GLG1: variants seen among roughly 807,000 people sequenced by gnomAD.
GLG1 encodes golgi glycoprotein 1, also known as Golgi apparatus protein 1.
Under a neutral mutation model 160.5 loss-of-function variants are expected in GLG1, and 38 were observed. That is an observed-to-expected ratio of 0.24 (90% CI 0.18 to 0.31). The LOEUF is 0.31. Among genes scored for constraint, GLG1 ranks in the 10% least tolerant of loss-of-function variants. The pLI is 1.00. For missense variants in GLG1, 1,373 were observed against 1,505.2 expected, an observed-to-expected ratio of 0.91 and a Z score of 1.45; for synonymous variants, 644 against 543.4, an observed-to-expected ratio of 1.19 and a Z score of -2.57.
rs1319348965 is a variant in GLG1 at position 74,452,792 on chromosome 16, T to A, written c.*375A>T. On this transcript the variant is annotated 3_prime_UTR_variant, in exon 26 of 26. Coordinates refer to ENST00000422840, the MANE Select transcript of GLG1 (RefSeq NM_001145667.2). ...GAGGAGATGCGTTACTATATACATT[T>A]TTTTCTTTAAAAAAATTTTTTTTTT... 21 of 999,292 alleles carry A rather than the reference T, an allele frequency of 2.1e-5. No individual in the cohort carries two copies. The highest frequency in any genetic ancestry group is 1.2e-4 in the Admixed American group (2 of 17,390). The allele number at this position is 999,292 out of a possible 1,614,324, so 61.9% of individuals were successfully genotyped here.
chr16:74,602,907 A>G (rs937819513), intron 1 of GLG1, among the ~76,000 whole-genome samples: 4 of 151,922 alleles, frequency 2.6e-5, no homozygotes, highest in African/African-American at 9.7e-5. Flanking sequence ...CATGCCTGTA[A>G]TCCAGCAGTT....
chr16:74,486,263 A>G (rs2015782406), intron 8 of GLG1, among the ~76,000 whole-genome samples: 1 of 152,236 alleles, frequency 6.6e-6, no homozygotes, highest in African/African-American at 2.4e-5. Context: ...CGGCAAAGCC[A>G]GATTTAAGTG....
rs201104045 is a variant in GLG1, at chr16:74,486,928, C to CCG, written c.1450-1012_1450-1011insCG. Among the ~76,000 whole-genome samples, 34 of 150,822 alleles carry CCG rather than the reference C, an allele frequency of 2.3e-4. No individual in the cohort carries two copies. The East Asian group carries it at 6.6e-3, about 29-fold the overall frequency. The stretch of plus-strand genomic sequence containing the variant: ...GGGGTAGAAATCTTTTTTTTTTCCC[C>CCG]CCCGAGACAGAGTTTCGCTCTGTCA... On this transcript the variant is annotated intron_variant, in intron 8 of 25. Transcript: ENST00000422840.
intron 5 of GLG1, among the ~76,000 whole-genome samples, chr16:74,495,454 A>C (rs1006240750): frequency 3.3e-5 from 5 of 152,228 alleles, no homozygotes; most frequent in African/African-American, 9.6e-5. Context: ...AGAGTTAACG[A>C]AACTCTTACA....
chr16:74,529,149 T>C (rs1408913765), intron 2 of GLG1, among the ~76,000 whole-genome samples: 1 of 151,882 alleles, frequency 6.6e-6, no homozygotes, highest in African/African-American at 2.4e-5. Flanking sequence ...TAATTTTTAG[T>C]AGATATGGGG....
intron 22 of GLG1, 36 bp downstream of exon 22, chr16:74,462,058 G>T (rs369114203): frequency 1.5e-5 from 16 of 1,064,732 alleles, no homozygotes; most frequent in Non-Finnish European, 2.0e-5. Context: ...TCTCTGAGCA[G>T]CTCTGTGCGT....
chr16:74,454,783 C>T (rs2014468194), intron 25 of GLG1, among the ~76,000 whole-genome samples: 1 of 149,372 alleles, frequency 6.7e-6, no homozygotes, highest in Admixed American at 6.7e-5. Flanking sequence ...CCTCCTGCCT[C>T]GGTCTCCCAA....
At chr16:74,600,750 A>C (rs12923501) in intron 1 of GLG1, among the ~76,000 whole-genome samples, 98,910 of 141,618 alleles carry the variant, frequency 0.7, 35,156 homozygotes, top group African/African-American at 0.82. Context: ...AAAAAAAAAA[A>C]AAAACAAAAA....
chr16:74,591,946 A>G (rs997975131), intron 1 of GLG1, among the ~76,000 whole-genome samples: 4 of 152,160 alleles, frequency 2.6e-5, no homozygotes, highest in Non-Finnish European at 4.4e-5. Flanking sequence ...TTGGCAGAAC[A>G]TAATTCCTTT....
intron 8 of GLG1, among the ~76,000 whole-genome samples, chr16:74,486,987 C>T (rs2015814377): frequency 6.6e-6 from 1 of 150,800 alleles, no homozygotes; most frequent in Non-Finnish European, 1.5e-5. Context: ...GATCTCTGCT[C>T]ACTGCAACCT....
At chr16:74,463,263 C>A in intron 20 of GLG1, 93 bp downstream of exon 20, 2 of 1,270,272 alleles carry the variant, frequency 1.6e-6, no homozygotes, top group East Asian at 2.3e-5. Context: ...TCCCAGGCAA[C>A]AAAGCCCTGG....
chr16:74,546,927 G>A (rs2018064876), intron 1 of GLG1, among the ~76,000 whole-genome samples: 2 of 149,296 alleles, frequency 1.3e-5, no homozygotes, highest in African/African-American at 4.9e-5. Flanking sequence ...TGAAAAGAGA[G>A]AGAAGCCTTC....
intron 1 of GLG1, among the ~76,000 whole-genome samples, chr16:74,538,800 C>T (rs1281488371): frequency 6.8e-6 from 1 of 147,404 alleles, no homozygotes; most frequent in Admixed American, 6.9e-5. Flanking sequence ...ATCTAATCAT[C>T]ATACAAGGCT....
intron 2 of GLG1, among the ~76,000 whole-genome samples, chr16:74,523,778 C>T (rs2017247177): frequency 1.3e-5 from 2 of 151,916 alleles, no homozygotes; most frequent in South Asian, 2.1e-4. Flanking sequence ...TACATACTGA[C>T]CTTCTATCAT....
At chr16:74,464,779 G>C (rs562082641) in intron 19 of GLG1, among the ~76,000 whole-genome samples, 1 of 152,208 alleles carries the variant, frequency 6.6e-6, no homozygotes, top group South Asian at 2.1e-4. Context: ...GTAAAAAGTA[G>C]CATTTTACTT....
intron 13 of GLG1, among the ~76,000 whole-genome samples, chr16:74,473,503 G>C (rs2015286191): frequency 7.5e-6 from 1 of 133,064 alleles, no homozygotes; most frequent in African/African-American, 2.9e-5. Context: ...GCAGTGGCGT[G>C]ATCTCGGCTC....
intron 1 of GLG1, among the ~76,000 whole-genome samples, chr16:74,587,447 G>A (rs1958079459): frequency 3.3e-5 from 5 of 152,088 alleles, no homozygotes; most frequent in Admixed American, 1.3e-4. Flanking sequence ...ATTTGTGGAG[G>A]GATCCCCTTG....
chr16:74,571,525 T>C (rs1444196636), intron 1 of GLG1, among the ~76,000 whole-genome samples: 3 of 151,798 alleles, frequency 2.0e-5, no homozygotes, highest in Non-Finnish European at 4.4e-5. Context: ...ATAATAAAAT[T>C]AGCCAGGTGC....
intron 9 of GLG1, among the ~76,000 whole-genome samples, chr16:74,484,853 C>G (rs761059576): frequency 6.6e-6 from 1 of 151,972 alleles, no homozygotes; most frequent in Non-Finnish European, 1.5e-5. Context: ...CTGGACCTCA[C>G]GTGATCCGCC....
Sources: allele counts gnomAD v4.1 joint callset (sites outside exome capture counted in the v4.1 genomes callset), GRCh38; gene constraint gnomAD v4.1.1; transcripts MANE v1.5; gene names NCBI Gene and HGNC (gene_info 2026-07-23, HGNC 2026-07-21).